Variants in KLHL6 observed in about 807,000 individuals in gnomAD.
The protein encoded by KLHL6 is kelch-like protein 6.
KLHL6 carries 41 observed loss-of-function variants against 58.6 expected under a neutral mutation model. That is an observed-to-expected ratio of 0.70 (90% CI 0.55 to 0.91). KLHL6 has a LOEUF of 0.91. Ranked by LOEUF, KLHL6 falls within the 40% of genes least tolerant of loss-of-function variation. The pLI is 0.00. For missense variants in KLHL6, 714 were observed against 805.6 expected (o/e 0.89, Z 1.38); for synonymous variants, 338 against 322.7 (o/e 1.05, Z -0.51).
intron 3 of KLHL6, among the ~76,000 whole-genome samples, chr3:183,500,769 C>T (rs949722378): frequency 2.0e-5 from 3 of 152,204 alleles, no homozygotes; most frequent in Non-Finnish European, 4.4e-5. Flanking sequence ...TGTGCTGACA[C>T]AAGGCGGAGA....
At position 183,499,674 on chromosome 3, in the gene KLHL6, G is replaced by A; in HGVS notation, c.1063C>T (p.Leu355=). The change falls in exon 4 of 7, where the codon CTA becomes TTA. Residue 355 remains leucine (L), a synonymous_variant. Coordinates refer to ENST00000341319, the MANE Select transcript of KLHL6 (RefSeq NM_130446.4). This position sits in a 1 kb window ranked among gnomAD's most constrained non-coding sequence, Gnocchi z 4.6. The stretch of plus-strand genomic sequence containing the variant: ...TCACTCTCCAGCTCATGCTCTGTTA[G>A]CGGGAGCTTGGCCACCTCCAGGCGG... The part of the protein sequence containing the change: ...RSRLEVAKLP[L]TEHELESENK... 6 of 1,611,948 alleles carry A rather than the reference G, an allele frequency of 3.7e-6. No individual in the cohort carries two copies. Among genetic ancestry groups the A allele is most frequent in the Non-Finnish European group, 5.1e-6 (6 of 1,179,166 alleles).
rs767675345 is a variant in KLHL6, at chr3:183,527,842, C to T, written c.459+3G>A. On this transcript the variant is annotated splice_donor_region_variant and intron_variant, in intron 2 of 6. Coordinates refer to ENST00000341319, the MANE Select transcript of KLHL6 (RefSeq NM_130446.4). The stretch of plus-strand genomic sequence containing the variant: ...AGAGCACTGAGCCAGTTTGTTCACA[C>T]ACCTGGAAGAGGTTAGCAGCCTCCA... The T allele has an allele frequency of 6.2e-7, 1 of 1,613,814 alleles. No individual in the cohort carries two copies. The highest frequency in any genetic ancestry group is 1.7e-5 in the Admixed American group (1 of 60,000).
intron 5 of KLHL6, 168 bp downstream of exon 5, chr3:183,493,911 T>A: frequency 1.5e-6 from 1 of 672,492 alleles, no homozygotes; most frequent in Non-Finnish European, 2.7e-6. Flanking sequence ...TCAGCAATAC[T>A]GAAGCAATAG....
At chr3:183,501,030 C>T (rs1411218528) in intron 3 of KLHL6, among the ~76,000 whole-genome samples, 5 of 152,232 alleles carry the variant, frequency 3.3e-5, no homozygotes, top group Admixed American at 6.5e-5. Context: ...GAGCCTGGTA[C>T]AGTGAGTTCC....
At chr3:183,503,343 G>A (rs377122836) in intron 3 of KLHL6, among the ~76,000 whole-genome samples, 10 of 152,334 alleles carry the variant, frequency 6.6e-5, no homozygotes, top group African/African-American at 2.4e-4. Context: ...TAAATGAAGA[G>A]GCAAATTTCC....
intron 2 of KLHL6, among the ~76,000 whole-genome samples, chr3:183,517,895 G>A (rs940614478): frequency 2.0e-5 from 3 of 152,190 alleles, no homozygotes; most frequent in East Asian, 1.9e-4. Flanking sequence ...GTGTGTGTGC[G>A]TAGGGCACAG....
chr3:183,549,204 A>G (rs114189633), intron 1 of KLHL6, among the ~76,000 whole-genome samples: 1,543 of 151,630 alleles, frequency 0.01, 25 homozygotes, highest in African/African-American at 0.036. Flanking sequence ...CAAGAAAAAC[A>G]AGAATGAGTT....
intron 1 of KLHL6, among the ~76,000 whole-genome samples, chr3:183,551,613 G>A (rs546568187): frequency 1.3e-5 from 2 of 152,286 alleles, no homozygotes; most frequent in South Asian, 2.1e-4. Flanking sequence ...GGGAAGGAAA[G>A]CTTATGGTAA....
intron 1 of KLHL6, among the ~76,000 whole-genome samples, chr3:183,534,950 A>ATTT (rs1314848457): frequency 2.5e-4 from 24 of 96,746 alleles, no homozygotes; most frequent in African/African-American, 6.7e-4. Flanking sequence ...ATATATATAT[A>ATTT]TTTTTTTTTT....
chr3:183,552,742 A>T (rs935613140), intron 1 of KLHL6, among the ~76,000 whole-genome samples: 1 of 149,240 alleles, frequency 6.7e-6, no homozygotes, highest in African/African-American at 2.5e-5. Context: ...AAAAAAAAAA[A>T]GAAAGCCTCT....
chr3:183,502,973 A>G (rs1304294504), intron 3 of KLHL6, among the ~76,000 whole-genome samples: 4 of 152,246 alleles, frequency 2.6e-5, no homozygotes, highest in African/African-American at 4.8e-5. Flanking sequence ...TGGTGGCATC[A>G]TTACCACATT....
intron 3 of KLHL6, among the ~76,000 whole-genome samples, chr3:183,501,438 G>A (rs571123700): frequency 2.0e-5 from 3 of 152,222 alleles, no homozygotes; most frequent in South Asian, 2.1e-4. Flanking sequence ...AAAAAGCACC[G>A]GCCTCCCTGA....
Position 183,522,045 on chromosome 3 carries a change from G to T in KLHL6, c.459+5800C>A, listed in dbSNP as rs933349061. Among the ~76,000 whole-genome samples, 11 of 151,132 alleles carry T rather than the reference G, an allele frequency of 7.3e-5. No homozygotes were observed. The East Asian group carries it at 2.2e-3, about 30-fold the overall frequency. On this transcript the variant is annotated intron_variant, in intron 2 of 6. Transcript: ENST00000341319. ...AGTTCAGGCAAAATAGCTGCTACTG[G>T]CTGGGCACGGTGGCTCAGGCCTGTA...
intron 5 of KLHL6, chr3:183,493,365 T>C (rs189905365): frequency 6.6e-4 from 103 of 155,174 alleles, no homozygotes; most frequent in Non-Finnish European, 1.1e-3. Flanking sequence ...TGTTAAGGGC[T>C]CTCAATATAG....
intron 1 of KLHL6, chr3:183,552,414 C>G (rs537507152): frequency 6.6e-6 from 1 of 152,144 alleles, no homozygotes; most frequent in Admixed American, 6.5e-5. Flanking sequence ...ACACAGAGAG[C>G]TGTGTTGAAA....
intron 1 of KLHL6, among the ~76,000 whole-genome samples, chr3:183,543,113 C>A (rs1188679842): frequency 1.3e-5 from 2 of 151,908 alleles, no homozygotes; most frequent in Admixed American, 6.6e-5. Flanking sequence ...GCCAACATGG[C>A]GAAACCCCAT....
intron 1 of KLHL6, among the ~76,000 whole-genome samples, chr3:183,540,124 T>C (rs576967429): frequency 3.3e-5 from 5 of 152,246 alleles, no homozygotes; most frequent in African/African-American, 9.6e-5. Flanking sequence ...CAATGATTGG[T>C]TCAGGGATGG....
intron 1 of KLHL6, among the ~76,000 whole-genome samples, chr3:183,537,778 C>T (rs1712413573): frequency 6.6e-6 from 1 of 152,170 alleles, no homozygotes; most frequent in Non-Finnish European, 1.5e-5. Flanking sequence ...CCCCGACACT[C>T]CCCCTAATCT....
At chr3:183,513,880 C>A (rs1718256841) in intron 2 of KLHL6, among the ~76,000 whole-genome samples, 1 of 152,102 alleles carries the variant, frequency 6.6e-6, no homozygotes, top group African/African-American at 2.4e-5. Flanking sequence ...TCCCCTCCAC[C>A]ACCCGACAGG....
Sources: gnomAD v4.1 joint callset for allele counts (sites outside exome capture counted in the v4.1 genomes callset) on GRCh38, gnomAD v4.1.1 for gene constraint, Gnocchi (gnomAD v3.1) non-coding constraint, MANE v1.5 for transcripts, NCBI Gene and HGNC (gene_info 2026-07-23, HGNC 2026-07-21) for gene names.